Variants in DLGAP4 observed in about 807,000 individuals in gnomAD.
DLGAP4 encodes the protein disks large-associated protein 4.
In DLGAP4, 18 loss-of-function variants were observed where a neutral mutation model predicts 86.9. The observed-to-expected ratio is 0.21, with a 90% CI of 0.14 to 0.31. DLGAP4 has a LOEUF of 0.31. DLGAP4 is among the 10% of genes least tolerant of loss of function. DLGAP4 has a pLI of 1.00. For missense variants in DLGAP4, 1,085 were observed against 1,362.6 expected (o/e 0.80, Z 3.21); for synonymous variants, 548 against 574.3 (o/e 0.95, Z 0.65).
chr20:36,484,210 T>C (rs1222456797), intron 7 of DLGAP4, among the ~76,000 whole-genome samples: 1 of 150,336 alleles, frequency 6.7e-6, no homozygotes, highest in African/African-American at 2.5e-5. Flanking sequence ...TGAGCCGATA[T>C]AGTTAAAGTG....
chr20:36,524,238 T>A lies in DLGAP4; in HGVS notation c.2513-12T>A, dbSNP rs1446822241. ...GTGCTAAATCAGTCTTTTTCCACCC[T>A]CTGTTTCTCAGTCTTAGGAAAAGTC... On this transcript the variant is annotated splice_polypyrimidine_tract_variant and intron_variant, in intron 10 of 12. Coordinates refer to ENST00000339266, the MANE Select transcript of DLGAP4 (RefSeq NM_001365621.2). 6.2e-7 allele frequency: 1 copy of A among 1,612,186 alleles called. No homozygotes were observed. Among genetic ancestry groups the A allele is most frequent in the South Asian group, 1.1e-5 (1 of 91,042 alleles).
chr20:36,332,782 T>C (rs1410149860), intron 1 of DLGAP4, among the ~76,000 whole-genome samples: 1 of 152,002 alleles, frequency 6.6e-6, no homozygotes, highest in African/African-American at 2.4e-5. Context: ...TGGGTCTCTA[T>C]TCTCTCTAGC....
intron 2 of DLGAP4, among the ~76,000 whole-genome samples, chr20:36,417,661 A>T (rs1283484902): frequency 6.8e-6 from 1 of 146,384 alleles, no homozygotes; most frequent in East Asian, 2.1e-4. Flanking sequence ...TGGGATTATA[A>T]GCATGAGTCT....
At chr20:36,411,563 A>G (rs2147502576) in intron 2 of DLGAP4, among the ~76,000 whole-genome samples, 1 of 152,150 alleles carries the variant, frequency 6.6e-6, no homozygotes, top group East Asian at 1.9e-4. Flanking sequence ...GGCCCCACAC[A>G]CCCATCATTT....
chr20:36,522,158 T>G (rs1469633856), intron 10 of DLGAP4, among the ~76,000 whole-genome samples: 1 of 152,088 alleles, frequency 6.6e-6, no homozygotes, highest in Non-Finnish European at 1.5e-5. Context: ...ACACTCTTTC[T>G]TTTTTGTTTT....
At chr20:36,436,421 G>A (rs1405731666) in intron 4 of DLGAP4, 71 bp downstream of exon 4, 20 of 1,471,186 alleles carry the variant, frequency 1.4e-5, no homozygotes, top group Non-Finnish European at 1.5e-5. Flanking sequence ...CTTGCTCCCT[G>A]GGAGGAGCCC....
intron 7 of DLGAP4, among the ~76,000 whole-genome samples, chr20:36,489,168 C>T (rs1444528365): frequency 6.6e-6 from 1 of 152,230 alleles, no homozygotes; most frequent in African/African-American, 2.4e-5. Flanking sequence ...TCACCTTGTT[C>T]CACCTCAGCT....
Position 36,360,583 on chromosome 20 carries a change from A to G in DLGAP4, c.-303-6462A>G, listed in dbSNP as rs569003218. Among the ~76,000 whole-genome samples the G allele has an allele frequency of 9.2e-5, 14 of 151,784 alleles. No individual in the cohort carries two copies. The South Asian group carries it at 2.9e-3, about 32-fold the overall frequency. ...GCACGTGGCTTGGGGCGTCAGGGCC[A>G]TGGCGAATTGTGGGTGGCGGCTTGG... is the stretch of plus-strand genomic sequence containing the variant. On this transcript the variant is annotated intron_variant, in intron 1 of 12. Transcript: ENST00000339266.
chr20:36,474,562 C>T (rs762368382), intron 7 of DLGAP4, among the ~76,000 whole-genome samples: 4 of 152,294 alleles, frequency 2.6e-5, no homozygotes, highest in South Asian at 4.1e-4. Flanking sequence ...TTCCCCCTGG[C>T]GTGGCTGTTG....
chr20:36,472,266 C>T lies in DLGAP4; in HGVS notation c.1649-24439C>T, dbSNP rs553667284. Among the ~76,000 whole-genome samples, 5 of 152,204 alleles carry T rather than the reference C, an allele frequency of 3.3e-5. No individual in the cohort carries two copies. The South Asian group carries it at 1.0e-3, about 32-fold the overall frequency. On this transcript the variant is annotated intron_variant, in intron 7 of 12. Coordinates refer to ENST00000339266, the MANE Select transcript of DLGAP4 (RefSeq NM_001365621.2). Reference sequence around the variant, plus strand: ...CCTGTTATCCCAGCACTTTGGGAAGCCAAGACGAGTGGATCACTTGAGCTC... The same window carrying T: ...CCTGTTATCCCAGCACTTTGGGAAGTCAAGACGAGTGGATCACTTGAGCTC...
chr20:36,348,857 T>C (rs1197949299), intron 1 of DLGAP4, among the ~76,000 whole-genome samples: 2 of 150,886 alleles, frequency 1.3e-5, no homozygotes, highest in Non-Finnish European at 3.0e-5. Context: ...TCCCAGAACT[T>C]TGGGAGGCCG....
chr20:36,430,463 T>C (rs1161685913), intron 2 of DLGAP4, among the ~76,000 whole-genome samples: 4 of 151,888 alleles, frequency 2.6e-5, no homozygotes, highest in East Asian at 3.9e-4. Context: ...TGTTAAACAA[T>C]TGGACGGTAC....
chr20:36,416,265 G>A (rs1368847343), intron 2 of DLGAP4, among the ~76,000 whole-genome samples: 1 of 152,146 alleles, frequency 6.6e-6, no homozygotes, highest in East Asian at 1.9e-4. Context: ...GGGATTACAG[G>A]CATATGCCAC....
chr20:36,378,007 C>G (rs2031224894), intron 2 of DLGAP4, among the ~76,000 whole-genome samples: 1 of 152,202 alleles, frequency 6.6e-6, no homozygotes, highest in Admixed American at 6.5e-5. Flanking sequence ...GAGCACTGTT[C>G]TACAGCCTTG....
chr20:36,471,104 C>T (rs2034641898), intron 7 of DLGAP4, among the ~76,000 whole-genome samples: 1 of 152,104 alleles, frequency 6.6e-6, no homozygotes, highest in Non-Finnish European at 1.5e-5. Flanking sequence ...GGCACCCCGC[C>T]TTCACCCCCA....
chr20:36,461,727 G>C (rs2147617222), intron 7 of DLGAP4: 2 of 842,450 alleles, frequency 2.4e-6, no homozygotes, highest in Non-Finnish European at 2.7e-6. Flanking sequence ...CCTCCTCCCC[G>C]TCTGTCCGTC....
chr20:36,348,712 C>T (rs1385597156), intron 1 of DLGAP4, among the ~76,000 whole-genome samples: 1 of 151,954 alleles, frequency 6.6e-6, no homozygotes, highest in Non-Finnish European at 1.5e-5. Flanking sequence ...CCACTGCTCC[C>T]GGCTGAGCTT....
At chr20:36,307,281 C>T (rs1167227560) in intron 1 of DLGAP4, among the ~76,000 whole-genome samples, 4 of 152,324 alleles carry the variant, frequency 2.6e-5, no homozygotes, top group African/African-American at 7.2e-5. Context: ...GCGGATGGAC[C>T]AGGTGGCCGC....
chr20:36,496,932 G>A lies in DLGAP4; in HGVS notation c.1876G>A (p.Val626Ile). Residue 626 changes from valine to isoleucine, a missense_variant, in exon 8 of 13, where the codon GTC (valine) becomes ATC (isoleucine). Physicochemically the swap from Val to Ile is conservative, Grantham distance 29. Coordinates refer to ENST00000339266, the MANE Select transcript of DLGAP4 (RefSeq NM_001365621.2). ...TRPPSVTRGGVAPAPEAPEPP... is the reference protein window; with the variant it reads ...TRPPSVTRGGIAPAPEAPEPP... Reference sequence around the variant, plus strand: ...ACCGCCCAGCGTGACACGGGGTGGAGTCGCCCCAGCCCCTGAGGCCCCAGA... The same window carrying A: ...ACCGCCCAGCGTGACACGGGGTGGAATCGCCCCAGCCCCTGAGGCCCCAGA... 1 of 1,614,184 alleles carries A rather than the reference G, an allele frequency of 6.2e-7. No homozygotes were observed. Among genetic ancestry groups the A allele is most frequent in the Non-Finnish European group, 8.5e-7 (1 of 1,180,030 alleles).
Sources: allele counts gnomAD v4.1 joint callset (sites outside exome capture counted in the v4.1 genomes callset), GRCh38; gene constraint gnomAD v4.1.1; transcripts MANE v1.5; gene names NCBI Gene and HGNC (gene_info 2026-07-23, HGNC 2026-07-21).